Variants in FGD3 observed in about 807,000 individuals in gnomAD.
FGD3 encodes the protein FYVE, RhoGEF and PH domain containing 3, also known as FYVE, RhoGEF and PH domain-containing protein 3.
In FGD3, 45 loss-of-function variants were observed where a neutral mutation model predicts 71.8. The observed-to-expected ratio is 0.63, with a 90% confidence interval of 0.49 to 0.80. The LOEUF (loss-of-function observed/expected upper bound fraction) is 0.80. Ranked by LOEUF, FGD3 falls within the 30% of genes least tolerant of loss-of-function variation. FGD3 has a pLI of 0.00. For missense variants in FGD3, 844 were observed against 951.5 expected, an observed-to-expected ratio of 0.89 and a Z score of 1.49; for synonymous variants, 378 against 392.8, an observed-to-expected ratio of 0.96 and a Z score of 0.44.
At chr9:92,956,834 C>CTTTTTTT (rs34469364) in intron 1 of FGD3, among the ~76,000 whole-genome samples, 24 of 127,780 alleles carry the variant, frequency 1.9e-4, no homozygotes, top group African/African-American at 3.2e-4. Context: ...TAATTGCTTT[C>CTTTTTTT]TTTCTTTTTT....
At chr9:92,983,441 C>T (rs1463037512) in intron 3 of FGD3, among the ~76,000 whole-genome samples, 2 of 152,022 alleles carry the variant, frequency 1.3e-5, no homozygotes, top group Non-Finnish European at 2.9e-5. Context: ...AGGAGAACGG[C>T]GTGCACCCGG....
intron 14 of FGD3, among the ~76,000 whole-genome samples, chr9:93,023,642 C>T (rs1053012856): frequency 6.6e-6 from 1 of 152,056 alleles, no homozygotes; most frequent in Admixed American, 6.5e-5. Context: ...TCCTGGCCAC[C>T]CTCCCCTGAG....
chr9:92,968,414 C>T (rs780516310), intron 1 of FGD3, among the ~76,000 whole-genome samples: 6 of 152,018 alleles, frequency 3.9e-5, no homozygotes, highest in Non-Finnish European at 7.4e-5. Context: ...CTCTGACCCC[C>T]ATCCCAATTC....
chr9:92,978,060 A>G (rs1251333262), intron 3 of FGD3, among the ~76,000 whole-genome samples: 2 of 152,202 alleles, frequency 1.3e-5, no homozygotes, highest in African/African-American at 4.8e-5. Flanking sequence ...AGGTGGGTGG[A>G]TCACCTGAGG....
intron 14 of FGD3, among the ~76,000 whole-genome samples, chr9:93,029,140 T>C (rs1587872698): frequency 6.6e-6 from 1 of 150,488 alleles, no homozygotes; most frequent in Non-Finnish European, 1.5e-5. Context: ...GAAGCAATTC[T>C]CCTGCCTCAG....
intron 3 of FGD3, among the ~76,000 whole-genome samples, chr9:92,977,479 G>A (rs1054510250): frequency 6.6e-6 from 1 of 152,122 alleles, no homozygotes; most frequent in African/African-American, 2.4e-5. Context: ...AGGTGGGGAC[G>A]TTGCTGGCTG....
intron 14 of FGD3, 106 bp downstream of exon 14, chr9:93,022,495 C>T: frequency 2.4e-6 from 3 of 1,252,036 alleles, no homozygotes; most frequent in South Asian, 1.4e-5. Context: ...ACCAGGGCCT[C>T]CTGGAGGCGG....
At chr9:92,998,047 A>G (rs1213180347) in intron 3 of FGD3, among the ~76,000 whole-genome samples, 3 of 152,318 alleles carry the variant, frequency 2.0e-5, no homozygotes, top group African/African-American at 7.2e-5. Context: ...TCTCCTGGAT[A>G]ATATCCTGCA....
intron 1 of FGD3, among the ~76,000 whole-genome samples, chr9:92,955,260 C>G (rs1198184974): frequency 4.6e-5 from 7 of 152,152 alleles, no homozygotes; most frequent in Non-Finnish European, 1.0e-4. Context: ...GATGGCCAGG[C>G]ACGGTGGCTC....
chr9:92,969,134 C>CA lies in FGD3; in HGVS notation c.-217-6103dup, dbSNP rs1004304121. Among the ~76,000 whole-genome samples the CA allele has an allele frequency of 6.6e-6, 1 of 152,256 alleles. No individual in the cohort carries two copies. The highest frequency in any genetic ancestry group is 1.5e-5 in the Non-Finnish European group (1 of 68,042). On this transcript the variant is annotated intron_variant, in intron 1 of 17. Coordinates refer to ENST00000375482, the MANE Select transcript of FGD3 (RefSeq NM_001083536.2). The surrounding 1 kb of genome is among the most constrained non-coding windows in gnomAD (Gnocchi z 4.5). The stretch of plus-strand genomic sequence containing the variant: ...CTGGATTCTCTATCACAGGGTAACC[C>CA]ACAAGGGAGATCTTGTCGTCATCAT...
chr9:93,000,983 T>G (rs1417179159), intron 3 of FGD3, among the ~76,000 whole-genome samples: 1 of 152,132 alleles, frequency 6.6e-6, no homozygotes, highest in Non-Finnish European at 1.5e-5. Context: ...TCTTTCTTTT[T>G]TTTTTCTTAT....
intron 17 of FGD3, 115 bp downstream of exon 17, chr9:93,034,796 C>T (rs11787984): frequency 8.3e-7 from 1 of 1,209,928 alleles, no homozygotes; most frequent in Non-Finnish European, 1.1e-6. Flanking sequence ...GCAGTGTTAC[C>T]TGGGGCCTCA....
chr9:93,001,233 T>C (rs1325114159), intron 3 of FGD3, among the ~76,000 whole-genome samples: 1 of 152,192 alleles, frequency 6.6e-6, no homozygotes, highest in Non-Finnish European at 1.5e-5. Context: ...TTTTATCTCA[T>C]TGAGCATCTT....
At chr9:92,995,441 C>G (rs1264409920) in intron 3 of FGD3, among the ~76,000 whole-genome samples, 2 of 152,182 alleles carry the variant, frequency 1.3e-5, no homozygotes, top group East Asian at 3.8e-4. Flanking sequence ...TTGACTTCCT[C>G]TTTTCCTAAT....
intron 16 of FGD3, chr9:93,033,771 T>TC (rs1275899098): frequency 6.6e-6 from 1 of 152,232 alleles, no homozygotes; most frequent in Non-Finnish European, 1.5e-5. Context: ...AGTGAGGTGA[T>TC]CGGGGGGTCA....
intron 3 of FGD3, among the ~76,000 whole-genome samples, chr9:92,997,061 T>C (rs1271476231): frequency 1.3e-5 from 2 of 152,236 alleles, no homozygotes; most frequent in African/African-American, 2.4e-5. Flanking sequence ...ATCTGTCTAA[T>C]GTTGACAGTG....
In FGD3 at chr9:93,023,795, C is replaced by CT. The variant is rs569058583; in HGVS notation, c.1557+1432dup. 6.2e-3 allele frequency among the ~76,000 whole-genome samples: 666 copies of CT among 107,654 alleles called. 18 individuals are homozygous for CT. Among genetic ancestry groups the CT allele is most frequent in the Non-Finnish European group, 8.3e-3 (462 of 55,486 alleles). 70.6% of individuals were successfully genotyped at this position (107,654 alleles called of 152,430 possible). On this transcript the variant is annotated intron_variant, in intron 14 of 17. Coordinates refer to ENST00000375482, the MANE Select transcript of FGD3 (RefSeq NM_001083536.2). ...ATGACAGGAACCCGCCCATCAGCAA[C>CT]TTTTTTTTTTTTTTTTTTTTTTTTT...
chr9:93,027,206 T>TG, intron 14 of FGD3, among the ~76,000 whole-genome samples: 1 of 152,264 alleles, frequency 6.6e-6, no homozygotes, highest in East Asian at 1.9e-4. Flanking sequence ...GGACAGGTGC[T>TG]GGGGGGACCT....
intron 10 of FGD3, among the ~76,000 whole-genome samples, 158 bp from the exon 11 acceptor site, chr9:93,017,978 C>G (rs191567020): frequency 5.1e-4 from 78 of 152,288 alleles, no homozygotes; most frequent in African/African-American, 1.8e-3. Flanking sequence ...AGCAGCCACG[C>G]TGACCTAAGC....
Sources: gnomAD v4.1 joint callset for allele counts (sites outside exome capture counted in the v4.1 genomes callset) on GRCh38, gnomAD v4.1.1 for gene constraint, Gnocchi (gnomAD v3.1) non-coding constraint, MANE v1.5 for transcripts, NCBI Gene and HGNC (gene_info 2026-07-23, HGNC 2026-07-21) for gene names.